Variants in TAPT1 observed in about 807,000 individuals in gnomAD.
TAPT1 encodes the protein transmembrane anterior posterior transformation 1.
In TAPT1, 28 loss-of-function variants were observed where a neutral mutation model predicts 65.6. The ratio of observed to expected loss-of-function variants is 0.43; its 90% CI spans 0.32 to 0.59. TAPT1 has a LOEUF of 0.59. TAPT1 is among the 20% of genes least tolerant of loss of function. The pLI, the probability that TAPT1 is intolerant of heterozygous loss-of-function variation, is 0.09. For synonymous variants in TAPT1, 278 were observed against 245.2 expected, an observed-to-expected ratio of 1.13 and a Z score of -1.25; for missense variants, 563 against 679.9, an observed-to-expected ratio of 0.83 and a Z score of 1.91.
chr4:16,169,631 C>T (rs1747862702), intron 12 of TAPT1, among the ~76,000 whole-genome samples: 1 of 152,228 alleles, frequency 6.6e-6, no homozygotes, highest in Non-Finnish European at 1.5e-5. Flanking sequence ...GCCACATGAC[C>T]TACACACAGC....
At chr4:16,206,569 G>A (rs1750357779) in intron 2 of TAPT1, among the ~76,000 whole-genome samples, 1 of 151,942 alleles carries the variant, frequency 6.6e-6, no homozygotes, top group Non-Finnish European at 1.5e-5. Flanking sequence ...TCTAGGCTCT[G>A]ATCCTACACC....
At chr4:16,165,801 T>C (rs1368351637) in intron 13 of TAPT1, among the ~76,000 whole-genome samples, 3 of 152,154 alleles carry the variant, frequency 2.0e-5, no homozygotes, top group African/African-American at 2.4e-5. Flanking sequence ...ATCCAGAACC[T>C]GGCCAGGTCT....
chr4:16,164,120 C>A (rs1401815301), intron 13 of TAPT1, among the ~76,000 whole-genome samples: 2 of 152,158 alleles, frequency 1.3e-5, no homozygotes, highest in Non-Finnish European at 2.9e-5. Context: ...TCATCTGAAT[C>A]ATACATTCAA....
chr4:16,216,759 G>A (rs1047636524), intron 1 of TAPT1, among the ~76,000 whole-genome samples: 9 of 152,124 alleles, frequency 5.9e-5, no homozygotes, highest in South Asian at 2.1e-4. Context: ...TATTGCAAAA[G>A]CTTCTTGATT....
intron 8 of TAPT1, among the ~76,000 whole-genome samples, chr4:16,177,856 A>G (rs1250290821): frequency 1.3e-5 from 2 of 152,198 alleles, no homozygotes; most frequent in African/African-American, 4.8e-5. Context: ...ACCTAAAAAA[A>G]GAGTGAAAAC....
At chr4:16,196,411 CAT>C (rs1028790028) in intron 3 of TAPT1, among the ~76,000 whole-genome samples, 14 of 152,308 alleles carry the variant, frequency 9.2e-5, no homozygotes, top group South Asian at 2.1e-4. Flanking sequence ...TCTAAGCTAA[CAT>C]GTGTAAAGAT....
In TAPT1 at chr4:16,174,111, TC is replaced by T. The variant is rs1748175283; in HGVS notation, c.1236+92del. 6.5e-6 allele frequency: 7 copies of T among 1,072,236 alleles called. No individual in the cohort carries two copies. The East Asian group carries it at 1.9e-4, about 29-fold the overall frequency. The allele number at this position is 1,072,236 out of a possible 1,614,324, so 66.4% of individuals were successfully genotyped here. On this transcript the variant is annotated intron_variant, in intron 11 of 13. Coordinates refer to ENST00000405303, the MANE Select transcript of TAPT1 (RefSeq NM_153365.3). ...ATTTACCCTTAATTTTTATATCAAG[TC>T]CTTTTGAAACAATCATATTAATAAT... is the stretch of plus-strand genomic sequence containing the variant.
At chr4:16,188,378 A>G (rs1749148396) in intron 4 of TAPT1, 23 bp from the exon 5 acceptor site, 1 of 1,513,740 alleles carries the variant, frequency 6.6e-7, no homozygotes, top group South Asian at 1.3e-5. Context: ...ATTATTTGTA[A>G]GATGTTTCTT....
chr4:16,172,968 C>G (rs564106763), intron 11 of TAPT1, among the ~76,000 whole-genome samples: 10 of 151,816 alleles, frequency 6.6e-5, no homozygotes, highest in African/African-American at 2.2e-4. Context: ...AAATTACAGG[C>G]GCCTGCCACC....
intron 1 of TAPT1, among the ~76,000 whole-genome samples, chr4:16,216,500 T>C (rs966824271): frequency 6.6e-6 from 1 of 152,230 alleles, no homozygotes; most frequent in Non-Finnish European, 1.5e-5. Flanking sequence ...GGACATCCCA[T>C]AGACACGGAA....
chr4:16,162,091 A>G lies in TAPT1; in HGVS notation c.*1217T>C, dbSNP rs949691982. 6.6e-6 allele frequency: 1 copy of G among 152,350 alleles called. No individual in the cohort carries two copies. Among genetic ancestry groups the G allele is most frequent in the African/African-American group, 2.4e-5 (1 of 41,420 alleles). 9.4% of individuals were successfully genotyped at this position (152,350 alleles called of 1,614,324 possible). On this transcript the variant is annotated 3_prime_UTR_variant, in exon 14 of 14. Transcript: ENST00000405303. ...ATCTTCATCTCAAATAAAACCAAAA[A>G]GCACCTTTTGGTTGCTGTTCCCAAC...
chr4:16,198,510 A>T (rs997875456), intron 3 of TAPT1, among the ~76,000 whole-genome samples: 3 of 152,182 alleles, frequency 2.0e-5, no homozygotes, highest in African/African-American at 7.2e-5. Context: ...GAACAAAGAG[A>T]CTAGGAAGAC....
intron 3 of TAPT1, among the ~76,000 whole-genome samples, chr4:16,198,781 C>T (rs761393575): frequency 3.9e-5 from 6 of 152,090 alleles, no homozygotes; most frequent in Non-Finnish European, 8.8e-5. Context: ...CAAAATCTGG[C>T]TATTTCTAAA....
At chr4:16,213,698 A>C in intron 2 of TAPT1, 70 bp downstream of exon 2, 1 of 1,369,274 alleles carries the variant, frequency 7.3e-7, no homozygotes, top group East Asian at 2.6e-5. Flanking sequence ...GCTGTTGACC[A>C]TTTTTTTGCA....
At chr4:16,210,665 G>C (rs73798876) in intron 2 of TAPT1, among the ~76,000 whole-genome samples, 3,197 of 152,298 alleles carry the variant, frequency 0.021, 114 homozygotes, top group African/African-American at 0.073. Flanking sequence ...CGGCTTTAGA[G>C]ATGATCCCCT....
At chr4:16,186,734 G>T in intron 6 of TAPT1, 47 bp downstream of exon 6, 1 of 1,460,776 alleles carries the variant, frequency 6.8e-7, no homozygotes, top group Non-Finnish European at 9.6e-7. Context: ...TATTGCAGCT[G>T]AAATGCCTGT....
At chr4:16,195,424 C>T (rs964391778) in intron 3 of TAPT1, among the ~76,000 whole-genome samples, 1 of 152,152 alleles carries the variant, frequency 6.6e-6, no homozygotes, top group Non-Finnish European at 1.5e-5. Context: ...ACAAGTGAAA[C>T]ATACTGTTGG....
At position 16,176,189 on chromosome 4, in the gene TAPT1, AT is replaced by A; in HGVS notation, c.1036del (p.Ile346LeufsTer10). On this transcript the variant is annotated frameshift_variant, in exon 9 of 14. Transcript: ENST00000405303. LOFTEE classifies it high-confidence loss of function. Reference sequence around the variant, plus strand: ...AATATCCACGGCAATTTCTGATGCAATTACCATACAGACATCTGGAAACAAC... The same window carrying A: ...AATATCCACGGCAATTTCTGATGCAATACCATACAGACATCTGGAAACAAC... ...WVLFPDVCMVIASEIAVDIVK... is the reference protein window; with the variant it reads ...WVLFPDVCMVXASEIAVDIVK... The A allele has an allele frequency of 6.3e-7, 1 of 1,576,802 alleles. No homozygotes were observed. Among genetic ancestry groups the A allele is most frequent in the Non-Finnish European group, 8.6e-7 (1 of 1,160,578 alleles).
chr4:16,194,538 C>G (rs1223211613), intron 3 of TAPT1, among the ~76,000 whole-genome samples: 1 of 152,156 alleles, frequency 6.6e-6, no homozygotes, highest in East Asian at 1.9e-4. Flanking sequence ...TACTATCTTT[C>G]TGTAAAATTT....
Sources: allele counts gnomAD v4.1 joint callset (sites outside exome capture counted in the v4.1 genomes callset), GRCh38; gene constraint gnomAD v4.1.1; transcripts MANE v1.5; gene names NCBI Gene and HGNC (gene_info 2026-07-23, HGNC 2026-07-21).